Variants in NBEAL1 observed in about 807,000 individuals in gnomAD.
NBEAL1 encodes neurobeachin-like protein 1.
Under a neutral mutation model 351.3 loss-of-function variants are expected in NBEAL1, and 273 were observed. That is an observed-to-expected ratio of 0.78 (90% CI 0.70 to 0.86). The LOEUF is 0.86. Among genes scored for constraint, NBEAL1 ranks in the 40% least tolerant of loss-of-function variants. NBEAL1 has a pLI of 0.00. For missense variants in NBEAL1, 2,961 were observed against 3,201.3 expected (o/e 0.92, Z 1.81); for synonymous variants, 1,050 against 1,086.4 (o/e 0.97, Z 0.66).
chr2:203,110,168 C>T lies in NBEAL1; in HGVS notation c.1968C>T (p.Gly656=), dbSNP rs1346204136. 1.9e-6 allele frequency: 3 copies of T among 1,547,184 alleles called. No individual in the cohort carries two copies. The highest frequency in any genetic ancestry group is 1.4e-5 in the African/African-American group (1 of 72,852). ...KQLYSFFTGS[G]MGFEAFITHS... ...TTTTTAGTTTTTTTACAGGAAGTGG[C>T]ATGGGTTTTGAAGCCTTTATTACCC... is the stretch of plus-strand genomic sequence containing the variant. Residue 656 remains glycine (G), a synonymous_variant, in exon 15 of 56, where the codon GGC becomes GGT. Transcript: ENST00000683969.
At chr2:203,054,613 C>T (rs1005618101) in intron 4 of NBEAL1, among the ~76,000 whole-genome samples, 1 of 151,860 alleles carries the variant, frequency 6.6e-6, no homozygotes, top group Non-Finnish European at 1.5e-5. Context: ...AATTGTGGGT[C>T]TGTTTCTTTT....
chr2:203,139,459 G>T lies in NBEAL1; in HGVS notation c.4848+711G>T, dbSNP rs545410108. On this transcript the variant is annotated intron_variant, in intron 31 of 55. Transcript: ENST00000683969. ...CCATTTTTTTATTTGGTGCAGGGAG[G>T]TTGGAGTGTGTCTGGCTTCTGATTT... 8.0e-5 allele frequency among the ~76,000 whole-genome samples: 12 copies of T among 150,342 alleles called. No individual in the cohort carries two copies. In the South Asian group the frequency reaches 2.5e-3, roughly 31 times the overall value.
rs972944638 is a variant in NBEAL1, at chr2:203,110,140, T to A, written c.1950-10T>A. On this transcript the variant is annotated splice_polypyrimidine_tract_variant and intron_variant, in intron 14 of 55. Coordinates refer to ENST00000683969, the MANE Select transcript of NBEAL1 (RefSeq NM_001378026.1). Reference sequence around the variant, plus strand: ...ACTTTAAAAGTTCTGATAATACGTATTTTTTTTAGTTTTTTTACAGGAAGT... The same window carrying A: ...ACTTTAAAAGTTCTGATAATACGTAATTTTTTTAGTTTTTTTACAGGAAGT... The A allele has an allele frequency of 4.5e-5, 69 of 1,527,782 alleles. No homozygotes were observed. Among genetic ancestry groups the A allele is most frequent in the Non-Finnish European group, 5.7e-5 (65 of 1,134,618 alleles). The allele number at this position is 1,527,782 out of a possible 1,614,324, so 94.6% of individuals were successfully genotyped here. A position where few individuals can be genotyped will look rare whatever the true frequency, so the allele number is the denominator to read the frequency against.
intron 51 of NBEAL1, among the ~76,000 whole-genome samples, chr2:203,205,107 G>A (rs1037038389): frequency 3.3e-5 from 5 of 152,010 alleles, no homozygotes; most frequent in Non-Finnish European, 5.9e-5. Flanking sequence ...TTACCATTTA[G>A]TATAGTGTTT....
chr2:203,128,310 G>T (rs1291436637), intron 24 of NBEAL1, among the ~76,000 whole-genome samples: 3 of 121,136 alleles, frequency 2.5e-5, no homozygotes, highest in Non-Finnish European at 4.9e-5. Context: ...GTTTCACCAT[G>T]TTGGTCAGGC....
At chr2:203,057,252 GT>G in intron 5 of NBEAL1, 73 bp from the exon 6 acceptor site, 1 of 1,359,598 alleles carries the variant, frequency 7.4e-7, no homozygotes. Flanking sequence ...AGTTTGGCTT[GT>G]TTGAATACAA....
intron 12 of NBEAL1, among the ~76,000 whole-genome samples, chr2:203,103,560 T>C (rs1330046502): frequency 6.6e-6 from 1 of 152,118 alleles, no homozygotes; most frequent in East Asian, 1.9e-4. Flanking sequence ...ATGTGAGCCA[T>C]TGTGCCCGGC....
At chr2:203,061,426 C>T (rs556064744) in intron 6 of NBEAL1, 4 of 152,316 alleles carry the variant, frequency 2.6e-5, no homozygotes, top group South Asian at 4.1e-4. Context: ...TTCTTTCATG[C>T]TGTTGAAGGG....
intron 51 of NBEAL1, among the ~76,000 whole-genome samples, chr2:203,208,047 T>G (rs1180831716): frequency 6.6e-6 from 1 of 152,182 alleles, no homozygotes; most frequent in Non-Finnish European, 1.5e-5. Context: ...TTTGGAAGGC[T>G]GAGGCGGAAG....
At chr2:203,112,958 G>A in intron 16 of NBEAL1, 57 bp from the exon 17 acceptor site, 1 of 1,318,806 alleles carries the variant, frequency 7.6e-7, no homozygotes, top group African/African-American at 1.5e-5. Flanking sequence ...GTAATTTTAT[G>A]TTAAATATGA....
chr2:203,065,803 A>T (rs1230589302), intron 6 of NBEAL1, among the ~76,000 whole-genome samples: 1 of 152,132 alleles, frequency 6.6e-6, no homozygotes, highest in Non-Finnish European at 1.5e-5. Flanking sequence ...AAACTTAGAA[A>T]ACTGAGATGC....
intron 28 of NBEAL1, 52 bp downstream of exon 28, chr2:203,136,304 T>C: frequency 8.1e-7 from 1 of 1,235,272 alleles, no homozygotes; most frequent in South Asian, 1.5e-5. Flanking sequence ...GTCTGATATA[T>C]ACTTCTAATC....
chr2:203,218,081 C>A lies in NBEAL1; in HGVS notation c.*727C>A. On this transcript the variant is annotated 3_prime_UTR_variant, in exon 56 of 56. Coordinates refer to ENST00000683969, the MANE Select transcript of NBEAL1 (RefSeq NM_001378026.1). Reference sequence around the variant, plus strand: ...TTTGACAGTTGGGCCTTTTAAGTAGCATTTGCAGCACAATTTGCATTTGCA... The same window carrying A: ...TTTGACAGTTGGGCCTTTTAAGTAGAATTTGCAGCACAATTTGCATTTGCA... 2 of 361,426 alleles carry A rather than the reference C, an allele frequency of 5.5e-6. No homozygotes were observed. The highest frequency in any genetic ancestry group is 7.7e-6 in the Non-Finnish European group (2 of 259,726). The allele number at this position is 361,426 out of a possible 1,614,324, so 22.4% of individuals were successfully genotyped here. A position where few individuals can be genotyped will look rare whatever the true frequency, so the allele number is the denominator to read the frequency against.
intron 6 of NBEAL1, among the ~76,000 whole-genome samples, chr2:203,058,968 T>C (rs1241146245): frequency 6.6e-6 from 1 of 152,226 alleles, no homozygotes; most frequent in African/African-American, 2.4e-5. Flanking sequence ...CAGACCTCTT[T>C]TTTAAATCTC....
In NBEAL1 at chr2:203,062,672, A is replaced by G. The variant is rs181383817; in HGVS notation, c.515+5219A>G. 6.6e-5 allele frequency among the ~76,000 whole-genome samples: 10 copies of G among 152,382 alleles called. No homozygotes were observed. Among genetic ancestry groups the G allele is most frequent in the Admixed American group, 6.5e-4 (10 of 15,306 alleles). On this transcript the variant is annotated intron_variant, in intron 6 of 55. Coordinates refer to ENST00000683969, the MANE Select transcript of NBEAL1 (RefSeq NM_001378026.1). This position sits in a 1 kb window ranked among gnomAD's most constrained non-coding sequence, Gnocchi z 4.2. ...GTAGCAGCATTTAATGAATGTATGCATATATTTGCCAGGAATTACATTAGA... is the reference window on the plus strand; with the variant it reads ...GTAGCAGCATTTAATGAATGTATGCGTATATTTGCCAGGAATTACATTAGA...
At chr2:203,081,158 G>A (rs1306383555) in intron 8 of NBEAL1, among the ~76,000 whole-genome samples, 1 of 152,182 alleles carries the variant, frequency 6.6e-6, no homozygotes, top group Non-Finnish European at 1.5e-5. Context: ...GGTGTTTAGA[G>A]GAATTGAATA....
At position 203,211,088 on chromosome 2, in the gene NBEAL1, C is replaced by A; in HGVS notation, c.7916C>A (p.Ser2639Tyr). ...IVTGSIQGFL[S>Y]IRDLHSLNLS... is the part of the protein sequence containing the mutation. ...ACAGGCAGCATACAAGGATTCCTGT[C>A]TATAAGAGATCTCCACAGGTAAATA... The change falls in exon 54 of 56, where the codon TCT (serine) becomes TAT (tyrosine). Residue 2639 changes from serine to tyrosine, a missense_variant. Coordinates refer to ENST00000683969, the MANE Select transcript of NBEAL1 (RefSeq NM_001378026.1). 1 of 1,582,482 alleles carries A rather than the reference C, an allele frequency of 6.3e-7. No individual in the cohort carries two copies. The highest frequency in any genetic ancestry group is 8.6e-7 in the Non-Finnish European group (1 of 1,164,370).
intron 35 of NBEAL1, among the ~76,000 whole-genome samples, chr2:203,155,204 T>C (rs2063767258): frequency 6.8e-6 from 1 of 148,146 alleles, no homozygotes; most frequent in Non-Finnish European, 1.5e-5. Flanking sequence ...GCCATGATTA[T>C]ACCACTTCAT....
rs1357390659 is a variant in NBEAL1, at chr2:203,220,938, T to C, written c.*3584T>C. 6.6e-6 allele frequency among the ~76,000 whole-genome samples: 1 copy of C among 152,184 alleles called. No homozygotes were observed. The highest frequency in any genetic ancestry group is 1.5e-5 in the Non-Finnish European group (1 of 68,028). ...CTTTTGTAGAAGAAAAAATACCAAGTGTTCATTCTGTCATTAGCAAGGAAC... is the reference window on the plus strand; with the variant it reads ...CTTTTGTAGAAGAAAAAATACCAAGCGTTCATTCTGTCATTAGCAAGGAAC... On this transcript the variant is annotated 3_prime_UTR_variant, in exon 56 of 56. Coordinates refer to ENST00000683969, the MANE Select transcript of NBEAL1 (RefSeq NM_001378026.1).
Sources: allele counts gnomAD v4.1 joint callset (sites outside exome capture counted in the v4.1 genomes callset), GRCh38; gene constraint gnomAD v4.1.1; non-coding constraint Gnocchi (gnomAD v3.1); transcripts MANE v1.5; gene names NCBI Gene and HGNC (gene_info 2026-07-23, HGNC 2026-07-21).